FHL2: variants seen among roughly 807,000 people sequenced by gnomAD.
FHL2 encodes four and a half LIM domains 2.
A neutral mutation model predicts 32.7 loss-of-function variants in FHL2; 20 were observed. The observed-to-expected ratio is 0.61, with a 90% CI of 0.43 to 0.89. The LOEUF (loss-of-function observed/expected upper bound fraction) is 0.89. FHL2 is among the 40% of genes least tolerant of loss of function. FHL2 has a pLI of 0.00. For synonymous variants in FHL2, 123 were observed against 128.1 expected (o/e 0.96, Z 0.27); for missense variants, 311 against 358.6 (o/e 0.87, Z 1.07).
At chr2:105,401,496 A>G (rs1228527689), upstream of FHL2, among the ~76,000 whole-genome samples, 1 of 152,208 alleles carries the variant, frequency 6.6e-6, no homozygotes, top group Non-Finnish European at 1.5e-5. Context: ...TTACAGATGA[A>G]CATACCATTT....
At chr2:105,426,263 G>C (rs1684266685) in intron 1 of FHL2, among the ~76,000 whole-genome samples, 2 of 152,166 alleles carry the variant, frequency 1.3e-5, no homozygotes, top group Admixed American at 6.5e-5. Context: ...AAAAGGCAAT[G>C]TGCATTCTGT....
chr2:105,431,992 C>T (rs1053038400), intron 1 of FHL2, among the ~76,000 whole-genome samples: 2 of 152,202 alleles, frequency 1.3e-5, no homozygotes, highest in Admixed American at 6.5e-5. Context: ...TTTATCAGTC[C>T]TTCTACCCAA....
chr2:105,428,845 C>T (rs1050086837), intron 1 of FHL2, among the ~76,000 whole-genome samples: 1 of 152,234 alleles, frequency 6.6e-6, no homozygotes, highest in Non-Finnish European at 1.5e-5. Context: ...GTACTCTGTA[C>T]AGACACCCTG....
intron 1 of FHL2, among the ~76,000 whole-genome samples, chr2:105,421,285 C>A (rs1001853528): frequency 1.3e-5 from 2 of 152,212 alleles, no homozygotes; most frequent in Admixed American, 6.5e-5. Flanking sequence ...TGATCTGGGG[C>A]TTTGTGGCAA....
At chr2:105,434,905 G>C (rs538548476) in intron 1 of FHL2, among the ~76,000 whole-genome samples, 20 of 152,018 alleles carry the variant, frequency 1.3e-4, no homozygotes, top group African/African-American at 4.8e-4. Context: ...AATCATTCTG[G>C]TTGGTTATTT....
chr2:105,415,904 G>A (rs566308819), intron 1 of FHL2, among the ~76,000 whole-genome samples: 8 of 152,230 alleles, frequency 5.3e-5, no homozygotes, highest in East Asian at 1.9e-4. Flanking sequence ...CAAAAAATAC[G>A]TCTTTGACTC....
intron 1 of FHL2, among the ~76,000 whole-genome samples, chr2:105,410,881 C>A (rs1230880319): frequency 6.6e-6 from 1 of 152,134 alleles, no homozygotes; most frequent in African/African-American, 2.4e-5. Flanking sequence ...TGCCAACATT[C>A]GAAAATGGAC....
chr2:105,417,482 G>A (rs776638772), intron 1 of FHL2, among the ~76,000 whole-genome samples: 22 of 151,976 alleles, frequency 1.4e-4, no homozygotes, highest in Non-Finnish European at 2.8e-4. Flanking sequence ...CTCAGAGTTC[G>A]CGATCAGCCT....
In FHL2 at chr2:105,414,029, A is replaced by ACTT. The variant is rs375413283; in HGVS notation, c.-25+24367_-25+24369dup. Among the ~76,000 whole-genome samples the ACTT allele has an allele frequency of 8.5e-4, 130 of 152,298 alleles. 1 individual carries two copies. Among genetic ancestry groups the ACTT allele is most frequent in the African/African-American group, 3.0e-3 (123 of 41,570 alleles). On this transcript the variant is annotated intron_variant, in intron 1 of 5. Transcript: ENST00000393352. ...TTGCAAATAGTAGGTTGTCACCTAT[A>ACTT]CTTCTGACCAACAGGCTATTAGTTG...
At chr2:105,402,107 AC>A (rs1374636439), upstream of FHL2, among the ~76,000 whole-genome samples, 1 of 148,662 alleles carries the variant, frequency 6.7e-6, no homozygotes, top group Non-Finnish European at 1.5e-5. Flanking sequence ...GTATATATAC[AC>A]GTATATATAC....
At chr2:105,399,056 C>G, upstream of FHL2, 1 of 1,495,534 alleles carries the variant, frequency 6.7e-7, no homozygotes, top group Non-Finnish European at 8.9e-7. Flanking sequence ...CCGAGTGGAG[C>G]GCTGCGCAGC....
At chr2:105,436,665 AC>A (rs1180195782) in intron 1 of FHL2, among the ~76,000 whole-genome samples, 2 of 152,096 alleles carry the variant, frequency 1.3e-5, no homozygotes, top group African/African-American at 4.8e-5. Context: ...TTTAAAAAAA[AC>A]GAATATTAAG....
chr2:105,359,450 A>G (rs892580518), downstream of FHL2: 1 of 152,210 alleles, frequency 6.6e-6, no homozygotes, highest in Admixed American at 6.5e-5. Context: ...AGATTAAGAA[A>G]CTGATTTCAC....
chr2:105,432,335 C>T (rs888013545), intron 1 of FHL2, among the ~76,000 whole-genome samples: 10 of 152,266 alleles, frequency 6.6e-5, no homozygotes, highest in African/African-American at 2.2e-4. Context: ...GTCTTACACT[C>T]GCTATTATTT....
At chr2:105,434,843 A>G (rs1221009342) in intron 1 of FHL2, among the ~76,000 whole-genome samples, 1 of 152,042 alleles carries the variant, frequency 6.6e-6, no homozygotes, top group Admixed American at 6.5e-5. Context: ...CCTGGGCTCA[A>G]CCAATCCTCT....
rs146077919 is a variant in FHL2, at chr2:105,373,111, G to A, written c.331+448C>T. ...CAACTCTACAAGGGCAGAGGACCAG[G>A]TGCACCTCGGCTCACACCCTACGAA... On this transcript the variant is annotated intron_variant, in intron 4 of 6. Transcript: ENST00000530340. 1.6e-4 allele frequency among the ~76,000 whole-genome samples: 25 copies of A among 152,276 alleles called. 1 individual carries two copies. In the East Asian group the frequency reaches 3.5e-3, roughly 21 times the overall value.
chr2:105,362,288 C>G (rs916238655), intron 6 of FHL2, among the ~76,000 whole-genome samples: 7 of 152,134 alleles, frequency 4.6e-5, no homozygotes, highest in Admixed American at 2.0e-4. Flanking sequence ...AGTGTAAATA[C>G]TGTGCTTTTC....
Position 105,386,349 on chromosome 2 carries a change from C to A in FHL2, c.156+12G>T, listed in dbSNP as rs377250453. On this transcript the variant is annotated intron_variant, in intron 3 of 6. Coordinates refer to ENST00000530340, the MANE Select transcript of FHL2 (RefSeq NM_001318895.3). ...GGAGCGCCGGGGACCCGCAGAGGCC[C>A]GCAGCAGGTACCTTGCAGTCACAGC... 6.2e-7 allele frequency: 1 copy of A among 1,612,436 alleles called. No homozygotes were observed. The highest frequency in any genetic ancestry group is 1.3e-5 in the African/African-American group (1 of 75,000).
intron 1 of FHL2, among the ~76,000 whole-genome samples, chr2:105,412,996 G>A (rs540839849): frequency 2.0e-5 from 3 of 152,316 alleles, no homozygotes; most frequent in African/African-American, 7.2e-5. Context: ...TAAGGAAACT[G>A]AGGCCCAGAG....
Sources: gnomAD v4.1 joint callset for allele counts (sites outside exome capture counted in the v4.1 genomes callset) on GRCh38, gnomAD v4.1.1 for gene constraint, MANE v1.5 for transcripts, NCBI Gene and HGNC (gene_info 2026-07-23, HGNC 2026-07-21) for gene names.